WDR27: variants seen among roughly 807,000 people sequenced by gnomAD.
WDR27 encodes WD repeat domain 27, also known as WD repeat-containing protein 27.
WDR27 carries 100 observed loss-of-function variants against 114.4 expected under a neutral mutation model. The ratio of observed to expected loss-of-function variants is 0.87; its 90% CI spans 0.74 to 1.03. WDR27 has a LOEUF of 1.03. WDR27 is among the 50% of genes least tolerant of loss of function. The pLI, the probability that WDR27 is intolerant of heterozygous loss-of-function variation, is 0.00. For synonymous variants in WDR27, 449 were observed against 423.1 expected (o/e 1.06, Z -0.75); for missense variants, 1,129 against 1,092.9 (o/e 1.03, Z -0.47).
intron 1 of WDR27, among the ~76,000 whole-genome samples, chr6:169,701,301 T>A (rs542817965): frequency 6.6e-6 from 1 of 152,280 alleles, no homozygotes; most frequent in South Asian, 2.1e-4. Context: ...TTAGTGATAA[T>A]CAAGTCAGAA....
At chr6:169,450,304 G>C in the WDR27 span, among the ~76,000 whole-genome samples, 3 of 152,204 alleles carry the variant, frequency 2.0e-5, no homozygotes, top group African/African-American at 7.2e-5. Flanking sequence ...TGCCTCTGCA[G>C]ACTCGCGGGA....
chr6:169,521,618 C>T (rs944796348), intron 25 of WDR27, among the ~76,000 whole-genome samples: 1 of 151,806 alleles, frequency 6.6e-6, no homozygotes, highest in Non-Finnish European at 1.5e-5. Context: ...AAACAGGTAA[C>T]GTAAAAAATA....
the WDR27 span, among the ~76,000 whole-genome samples, chr6:169,432,395 T>G: frequency 6.6e-6 from 1 of 152,188 alleles, no homozygotes; most frequent in Admixed American, 6.5e-5. Flanking sequence ...CTGATAGGGT[T>G]TGGCTGTGTC....
chr6:169,578,316 C>T (rs982598874), intron 24 of WDR27, among the ~76,000 whole-genome samples: 3 of 152,178 alleles, frequency 2.0e-5, no homozygotes, highest in Non-Finnish European at 4.4e-5. Context: ...AACAATGGCA[C>T]GGGCTTATCT....
At chr6:169,522,412 C>T (rs115890337) in intron 25 of WDR27, among the ~76,000 whole-genome samples, 1 of 152,078 alleles carries the variant, frequency 6.6e-6, no homozygotes, top group Admixed American at 6.5e-5. Context: ...ATGAACAGAT[C>T]ATCCATACAG....
chr6:169,667,089 G>T, intron 6 of WDR27, 47 bp downstream of exon 6: 1 of 1,464,296 alleles, frequency 6.8e-7, no homozygotes, highest in South Asian at 1.5e-5. Context: ...AGAAAAAGTG[G>T]GTTACACACA....
the WDR27 span, among the ~76,000 whole-genome samples, chr6:169,436,870 T>C: frequency 6.6e-6 from 1 of 152,078 alleles, no homozygotes; most frequent in Non-Finnish European, 1.5e-5. Flanking sequence ...AGTTGTTCCA[T>C]AAAAATCATT....
At chr6:169,506,903 C>T (rs1792064210) in intron 25 of WDR27, among the ~76,000 whole-genome samples, 4 of 152,122 alleles carry the variant, frequency 2.6e-5, no homozygotes, top group Admixed American at 2.0e-4. Flanking sequence ...TGAATGTGTA[C>T]CTTTATTAAA....
chr6:169,515,213 C>G (rs1002017210), intron 25 of WDR27, among the ~76,000 whole-genome samples: 1 of 151,814 alleles, frequency 6.6e-6, no homozygotes, highest in African/African-American at 2.4e-5. Flanking sequence ...TGTGTATCAA[C>G]AGAAATGTGT....
chr6:169,584,471 G>T (rs2867151), intron 23 of WDR27, among the ~76,000 whole-genome samples: 135,929 of 152,210 alleles, frequency 0.89, 61,294 homozygotes, highest in East Asian at 0.99. Flanking sequence ...TAGTTCTACT[G>T]TCACTGTTCT....
At chr6:169,516,788 A>AACACACAC (rs3032851) in intron 25 of WDR27, among the ~76,000 whole-genome samples, 20,196 of 118,954 alleles carry the variant, frequency 0.17, 2,154 homozygotes, top group Non-Finnish European at 0.23. Context: ...GGCATGCTCC[A>AACACACAC]ACACACACAC....
At chr6:169,667,841 T>A in intron 5 of WDR27, 141 bp downstream of exon 5, 1 of 804,168 alleles carries the variant, frequency 1.2e-6, no homozygotes. Context: ...GAAATCAGGA[T>A]AGCGGGCGCC....
chr6:169,449,606 C>T, the WDR27 span, among the ~76,000 whole-genome samples: 1 of 152,318 alleles, frequency 6.6e-6, no homozygotes, highest in South Asian at 2.1e-4. Context: ...TGCCCCAGCC[C>T]CACCATCTCT....
At chr6:169,472,772 C>T (rs890831294) in intron 25 of WDR27, among the ~76,000 whole-genome samples, 1 of 152,082 alleles carries the variant, frequency 6.6e-6, no homozygotes, top group Non-Finnish European at 1.5e-5. Flanking sequence ...TATTTCAAGG[C>T]TAAAAAACAT....
rs758406261 is a variant in WDR27, at chr6:169,659,707, C to A, written c.1130-189G>T. 6.6e-6 allele frequency among the ~76,000 whole-genome samples: 1 copy of A among 151,932 alleles called. No individual in the cohort carries two copies. Among genetic ancestry groups the A allele is most frequent in the South Asian group, 2.1e-4 (1 of 4,792 alleles). ...AGGCCCCAGGCCACACACACACCAG[C>A]GCACACACCACACACACACCAGGCC... On this transcript the variant is annotated intron_variant, in intron 10 of 25. Coordinates refer to ENST00000448612, the MANE Select transcript of WDR27 (RefSeq NM_182552.5). This position sits in a 1 kb window ranked among gnomAD's most constrained non-coding sequence, Gnocchi z 4.3.
chr6:169,591,527 A>T (rs1022394685), intron 23 of WDR27, among the ~76,000 whole-genome samples: 1 of 152,214 alleles, frequency 6.6e-6, no homozygotes, highest in African/African-American at 2.4e-5. Flanking sequence ...TTTATAAGAC[A>T]CACTTCTGAC....
chr6:169,453,788 T>C (rs963683964), downstream of WDR27, among the ~76,000 whole-genome samples: 2 of 152,230 alleles, frequency 1.3e-5, no homozygotes, highest in Non-Finnish European at 2.9e-5. Context: ...TAGTAAGAAT[T>C]TGGGCTCATT....
At chr6:169,474,206 G>C (rs1357841540) in intron 25 of WDR27, among the ~76,000 whole-genome samples, 1 of 152,194 alleles carries the variant, frequency 6.6e-6, no homozygotes, top group Non-Finnish European at 1.5e-5. Context: ...ATATGGTGTT[G>C]CCTAGTAATA....
chr6:169,583,771 TA>T (rs1804031502), intron 23 of WDR27, among the ~76,000 whole-genome samples: 1 of 151,910 alleles, frequency 6.6e-6, no homozygotes, highest in East Asian at 1.9e-4. Flanking sequence ...CTACTATTTT[TA>T]AAAAATGAAG....
Sources: allele counts gnomAD v4.1 joint callset (sites outside exome capture counted in the v4.1 genomes callset), GRCh38; gene constraint gnomAD v4.1.1; non-coding constraint Gnocchi (gnomAD v3.1); transcripts MANE v1.5; gene names NCBI Gene and HGNC (gene_info 2026-07-23, HGNC 2026-07-21).